CELF2: variants seen among roughly 807,000 people sequenced by gnomAD.
CELF2 encodes CUGBP Elav-like family member 2, also known as CUG triplet repeat RNA-binding protein 2.
CELF2 carries 8 observed loss-of-function variants against 62.6 expected under a neutral mutation model. The observed-to-expected ratio is 0.13, with a 90% confidence interval of 0.07 to 0.23. The LOEUF (loss-of-function observed/expected upper bound fraction) is 0.23. Ranked by LOEUF, CELF2 falls within the 10% of genes least tolerant of loss-of-function variation. The pLI is 1.00. For synonymous variants in CELF2, 258 were observed against 250.0 expected, an observed-to-expected ratio of 1.03 and a Z score of -0.30; for missense variants, 333 against 671.0, an observed-to-expected ratio of 0.50 and a Z score of 5.56.
rs1412317182 is a variant in CELF2, at chr10:11,191,039, T to G, written c.271+25357T>G. Among the ~76,000 whole-genome samples the G allele has an allele frequency of 6.6e-6, 1 of 152,166 alleles. No individual in the cohort carries two copies. The highest frequency in any genetic ancestry group is 1.5e-5 in the Non-Finnish European group (1 of 68,032). ...GACCTTCATGGACATCCTGGTCATGTGTACAGAAAACTTAGAAGTAAATTA... is the reference window on the plus strand; with the variant it reads ...GACCTTCATGGACATCCTGGTCATGGGTACAGAAAACTTAGAAGTAAATTA... On this transcript the variant is annotated intron_variant, in intron 2 of 12. Coordinates refer to ENST00000633077, the MANE Select transcript of CELF2 (RefSeq NM_001326342.2). This position sits in a 1 kb window ranked among gnomAD's most constrained non-coding sequence, Gnocchi z 4.1.
chr10:11,140,960 T>G (rs1029794631), intron 1 of CELF2, among the ~76,000 whole-genome samples: 1 of 152,192 alleles, frequency 6.6e-6, no homozygotes, highest in South Asian at 2.1e-4. Context: ...GAGGCTACAG[T>G]GAGCGTGATC....
At chr10:10,760,367 T>C in the CELF2 span, among the ~76,000 whole-genome samples, 1 of 152,184 alleles carries the variant, frequency 6.6e-6, no homozygotes, top group Non-Finnish European at 1.5e-5. Flanking sequence ...GACTGGCACC[T>C]GGAAGGAAAA....
In CELF2 at chr10:11,321,452, G is replaced by A; in HGVS notation, c.1294+66G>A. 1 of 1,295,254 alleles carries A rather than the reference G, an allele frequency of 7.7e-7. No homozygotes were observed. Among genetic ancestry groups the A allele is most frequent in the Non-Finnish European group, 1.1e-6 (1 of 927,432 alleles). 80.2% of individuals were successfully genotyped at this position (1,295,254 alleles called of 1,614,324 possible). On this transcript the variant is annotated intron_variant, in intron 11 of 12. Coordinates refer to ENST00000633077, the MANE Select transcript of CELF2 (RefSeq NM_001326342.2). The surrounding 1 kb of genome is among the most constrained non-coding windows in gnomAD (Gnocchi z 6.2). ...AGGCAGCACTGGCCTCTAGAGCACG[G>A]TTAGAAGGTATCAAATTGAACTGAA...
At chr10:10,504,580 G>C in the CELF2 span, among the ~76,000 whole-genome samples, 3 of 152,014 alleles carry the variant, frequency 2.0e-5, no homozygotes, top group Non-Finnish European at 2.9e-5. Flanking sequence ...TAATAGATTT[G>C]GGGTATTTTC....
chr10:10,664,028 A>G, the CELF2 span, among the ~76,000 whole-genome samples: 2 of 152,208 alleles, frequency 1.3e-5, no homozygotes, highest in Admixed American at 1.3e-4. Context: ...AAGAATATAA[A>G]CCACGGAGGA....
chr10:11,262,915 G>A (rs1022654739), intron 5 of CELF2, among the ~76,000 whole-genome samples: 3 of 65,942 alleles, frequency 4.5e-5, no homozygotes, highest in African/African-American at 1.5e-4. Flanking sequence ...CCCTGGCATT[G>A]TTCATGCTTT....
intron 2 of CELF2, among the ~76,000 whole-genome samples, chr10:10,998,497 G>T (rs994892632): frequency 1.4e-4 from 21 of 152,228 alleles, no homozygotes; most frequent in African/African-American, 5.1e-4. Flanking sequence ...TTTAAAAAGT[G>T]ATGGTATATC....
In CELF2 at chr10:11,321,062, A is replaced by G. The variant is rs2140968857; in HGVS notation, c.1097-127A>G. ...ATGGTTTCATTTTTAGTTTCCTGTCAGTGTAATTGTGTGCTAGCTGCATGT... is the reference window on the plus strand; with the variant it reads ...ATGGTTTCATTTTTAGTTTCCTGTCGGTGTAATTGTGTGCTAGCTGCATGT... On this transcript the variant is annotated intron_variant, in intron 10 of 12. Coordinates refer to ENST00000633077, the MANE Select transcript of CELF2 (RefSeq NM_001326342.2). This position sits in a 1 kb window ranked among gnomAD's most constrained non-coding sequence, Gnocchi z 6.2. The G allele has an allele frequency of 7.7e-7, 1 of 1,295,730 alleles. No individual in the cohort carries two copies. The allele number at this position is 1,295,730 out of a possible 1,614,324, so 80.3% of individuals were successfully genotyped here. A position where few individuals can be genotyped will look rare whatever the true frequency, so the allele number is the denominator to read the frequency against.
rs115789049 is a variant in CELF2, at chr10:11,289,801, C to T, written c.976+1249C>T. The stretch of plus-strand genomic sequence containing the variant: ...AGCTTCAGTGCAACACATCAACTTA[C>T]TTAAGTAAATCCTGTAACGATCCCT... On this transcript the variant is annotated intron_variant, in intron 9 of 12. Transcript: ENST00000633077. Among the ~76,000 whole-genome samples, 1,199 of 152,298 alleles carry T rather than the reference C, an allele frequency of 7.9e-3. 15 individuals are homozygous for T. Among genetic ancestry groups the T allele is most frequent in the East Asian group, 0.024 (127 of 5,194 alleles).
intron 8 of CELF2, among the ~76,000 whole-genome samples, chr10:11,277,460 C>T (rs1431276443): frequency 1.3e-5 from 2 of 152,348 alleles, no homozygotes; most frequent in Non-Finnish European, 1.5e-5. Flanking sequence ...TCTGTGGATA[C>T]TCTTCCGTGC....
chr10:10,742,732 G>T, the CELF2 span, among the ~76,000 whole-genome samples: 1 of 152,306 alleles, frequency 6.6e-6, no homozygotes, highest in East Asian at 1.9e-4. Flanking sequence ...GCATGGCTTG[G>T]TCTCTGCCTG....
At chr10:11,203,975 G>A (rs2059852887) in intron 2 of CELF2, among the ~76,000 whole-genome samples, 1 of 152,236 alleles carries the variant, frequency 6.6e-6, no homozygotes, top group Admixed American at 6.5e-5. Context: ...ATGAAGCTCA[G>A]AGGCTGAGTG....
At chr10:11,175,314 G>A (rs571709997) in intron 2 of CELF2, among the ~76,000 whole-genome samples, 1 of 152,252 alleles carries the variant, frequency 6.6e-6, no homozygotes, top group South Asian at 2.1e-4. Flanking sequence ...AGACCTCAGA[G>A]CATTGAGTCA....
chr10:11,025,195 G>T (rs1385204680), intron 1 of CELF2, among the ~76,000 whole-genome samples: 2 of 148,830 alleles, frequency 1.3e-5, no homozygotes, highest in African/African-American at 5.0e-5. Flanking sequence ...ATGTGTGGGG[G>T]TATATACATA....
At chr10:11,205,052 G>C (rs2060125804) in intron 2 of CELF2, among the ~76,000 whole-genome samples, 1 of 152,200 alleles carries the variant, frequency 6.6e-6, no homozygotes, top group Non-Finnish European at 1.5e-5. Flanking sequence ...GAATAAGAAA[G>C]TCATGAAAAT....
chr10:10,495,774 G>T, the CELF2 span, among the ~76,000 whole-genome samples: 1 of 152,124 alleles, frequency 6.6e-6, no homozygotes, highest in African/African-American at 2.4e-5. Flanking sequence ...CTGTTGCTTT[G>T]TTCTACAATG....
the CELF2 span, among the ~76,000 whole-genome samples, chr10:10,708,032 A>T: frequency 2.4e-4 from 36 of 152,220 alleles, no homozygotes; most frequent in Non-Finnish European, 2.6e-4. Flanking sequence ...TTCACCAATT[A>T]TTGGCAGTTA....
At chr10:10,687,852 G>A in the CELF2 span, among the ~76,000 whole-genome samples, 6 of 152,200 alleles carry the variant, frequency 3.9e-5, no homozygotes. Flanking sequence ...GCATGAGAAA[G>A]AAAAATGATC....
In CELF2 at chr10:11,217,185, C is replaced by T. The variant is rs995184361; in HGVS notation, c.272-240C>T. 1.3e-5 allele frequency among the ~76,000 whole-genome samples: 2 copies of T among 152,150 alleles called. No individual in the cohort carries two copies. The highest frequency in any genetic ancestry group is 4.8e-5 in the African/African-American group (2 of 41,410). On this transcript the variant is annotated intron_variant, in intron 2 of 12. Transcript: ENST00000633077. The surrounding 1 kb of genome is among the most constrained non-coding windows in gnomAD (Gnocchi z 5.6). ...ACCCTCATTCTTGAATAGCTGTATTCCAGAGAGGTGAGGCACAGAGTCAGG... is the reference window on the plus strand; with the variant it reads ...ACCCTCATTCTTGAATAGCTGTATTTCAGAGAGGTGAGGCACAGAGTCAGG...
Sources: allele counts gnomAD v4.1 joint callset (sites outside exome capture counted in the v4.1 genomes callset), GRCh38; gene constraint gnomAD v4.1.1; non-coding constraint Gnocchi (gnomAD v3.1); transcripts MANE v1.5; gene names NCBI Gene and HGNC (gene_info 2026-07-23, HGNC 2026-07-21).